Variants in DNAH14 observed in about 807,000 individuals in gnomAD.
DNAH14 encodes axonemal beta dynein heavy chain 14.
In DNAH14, 478 loss-of-function variants were observed where a neutral mutation model predicts 520.9. That is an observed-to-expected ratio of 0.92 (90% CI 0.85 to 0.99). DNAH14 has a LOEUF of 0.99. Ranked by LOEUF, DNAH14 falls within the 50% of genes least tolerant of loss-of-function variation. The pLI is 0.00. For missense variants in DNAH14, 4,831 were observed against 5,234.5 expected, an observed-to-expected ratio of 0.92 and a Z score of 2.38; for synonymous variants, 1,581 against 1,757.2, an observed-to-expected ratio of 0.90 and a Z score of 2.51.
At chr1:225,153,014 T>C in intron 33 of DNAH14, 131 bp downstream of exon 33, 1 of 949,982 alleles carries the variant, frequency 1.1e-6, no homozygotes. Flanking sequence ...CCTATCAAAA[T>C]AATGGAGCTA....
chr1:225,349,000 G>A (rs780404162), intron 71 of DNAH14, among the ~76,000 whole-genome samples: 2 of 151,992 alleles, frequency 1.3e-5, no homozygotes, highest in East Asian at 3.9e-4. Flanking sequence ...TTGAGACATA[G>A]TCTCACTGTC....
At chr1:225,036,735 G>A (rs2067000170) in intron 11 of DNAH14, among the ~76,000 whole-genome samples, 1 of 152,118 alleles carries the variant, frequency 6.6e-6, no homozygotes, top group Non-Finnish European at 1.5e-5. Context: ...GAGCTGTCTT[G>A]TCTGTGTTTT....
chr1:225,085,559 A>G lies in DNAH14; in HGVS notation c.3343A>G (p.Asn1115Asp), dbSNP rs2148616374. ...TTCATTTTAGATGTTTCAGTATGAA[A>G]ATGAAATAAATGATATGTCAACCTC... ...LLALKMFQYE[N>D]EINDMSTSAT... The change falls in exon 21 of 86, where the codon AAT becomes GAT. Residue 1115 changes from asparagine to aspartate, a missense_variant. Coordinates refer to ENST00000682510, the MANE Select transcript of DNAH14 (RefSeq NM_001367479.1). 6.5e-7 allele frequency: 1 copy of G among 1,544,784 alleles called. No individual in the cohort carries two copies. Among genetic ancestry groups the G allele is most frequent in the African/African-American group, 1.4e-5 (1 of 73,028 alleles).
At chr1:225,102,145 G>GT (rs1326438888) in intron 23 of DNAH14, among the ~76,000 whole-genome samples, 5 of 149,932 alleles carry the variant, frequency 3.3e-5, no homozygotes, top group East Asian at 2.0e-4. Flanking sequence ...GCGGTGTTTG[G>GT]TTTTTTCTCC....
intron 8 of DNAH14, among the ~76,000 whole-genome samples, chr1:225,001,747 A>G (rs540112806): frequency 5.1e-4 from 77 of 152,286 alleles, no homozygotes; most frequent in Non-Finnish European, 8.1e-4. Context: ...CATCTTGTTA[A>G]TAAGTACTGA....
At chr1:225,227,868 A>G (rs1456722653) in intron 41 of DNAH14, among the ~76,000 whole-genome samples, 2 of 152,124 alleles carry the variant, frequency 1.3e-5, no homozygotes, top group African/African-American at 4.8e-5. Context: ...CTACCCATCC[A>G]TATGTTTTCC....
chr1:225,224,030 G>A (rs1418105948), intron 41 of DNAH14, among the ~76,000 whole-genome samples: 1 of 152,012 alleles, frequency 6.6e-6, no homozygotes, highest in African/African-American at 2.4e-5. Context: ...AAATATCTTG[G>A]ATACATACTA....
At chr1:225,253,904 T>C (rs2092646377) in intron 44 of DNAH14, among the ~76,000 whole-genome samples, 1 of 152,194 alleles carries the variant, frequency 6.6e-6, no homozygotes, top group Non-Finnish European at 1.5e-5. Context: ...TCTCTATCAT[T>C]GGAAGATTCA....
At chr1:224,932,804 C>G (rs2058778869) in intron 1 of DNAH14, among the ~76,000 whole-genome samples, 1 of 152,064 alleles carries the variant, frequency 6.6e-6, no homozygotes, top group Non-Finnish European at 1.5e-5. Context: ...TGTTTTTATA[C>G]CATTGCCATG....
Position 225,082,696 on chromosome 1 carries a change from C to T in DNAH14, c.3284C>T (p.Pro1095Leu), listed in dbSNP as rs777466820. The part of the protein sequence containing the change: ...ALQEIIGKSV[P>L]LDKNCKVENL... ...CAGGAGATTATTGGGAAGTCAGTTC[C>T]GCTTGATAAAAACTGTAAAGTAGAG... The change falls in exon 20 of 86, where the codon CCG becomes CTG. Residue 1095 changes from proline to leucine, a missense_variant. Pro to Leu is a moderately conservative substitution (Grantham distance 98, BLOSUM62 -3). Transcript: ENST00000682510. The T allele has an allele frequency of 9.2e-5, 142 of 1,551,018 alleles. No homozygotes were observed. Among genetic ancestry groups the T allele is most frequent in the Non-Finnish European group, 1.1e-4 (123 of 1,146,780 alleles).
chr1:225,336,081 A>G (rs982991049), intron 66 of DNAH14, among the ~76,000 whole-genome samples: 3 of 144,916 alleles, frequency 2.1e-5, no homozygotes, highest in African/African-American at 7.9e-5. Flanking sequence ...ATACTTATAT[A>G]TACATATATG....
chr1:225,049,430 G>A (rs987839988), intron 15 of DNAH14, among the ~76,000 whole-genome samples: 4 of 151,940 alleles, frequency 2.6e-5, no homozygotes, highest in African/African-American at 9.7e-5. Context: ...TGCATACTCT[G>A]AATACAATTC....
chr1:225,026,070 T>C (rs1201938726), intron 11 of DNAH14, among the ~76,000 whole-genome samples: 2 of 152,028 alleles, frequency 1.3e-5, no homozygotes, highest in Non-Finnish European at 2.9e-5. Context: ...GCTCAAGCGA[T>C]ACTCTCACCT....
At chr1:225,357,224 T>A (rs955008126) in intron 73 of DNAH14, among the ~76,000 whole-genome samples, 1 of 152,052 alleles carries the variant, frequency 6.6e-6, no homozygotes, top group Admixed American at 6.6e-5. Flanking sequence ...CAGAAAATTA[T>A]CAGAATGATT....
Position 225,038,808 on chromosome 1 carries a change from C to T in DNAH14, c.1473C>T (p.Asp491=). 3 of 1,497,592 alleles carry T rather than the reference C, an allele frequency of 2.0e-6. No homozygotes were observed. The highest frequency in any genetic ancestry group is 2.7e-6 in the Non-Finnish European group (3 of 1,125,796). 92.8% of individuals were successfully genotyped at this position (1,497,592 alleles called of 1,614,324 possible). The change falls in exon 12 of 86, where the codon GAC becomes GAT. Residue 491 remains aspartate (D), a synonymous_variant. Transcript: ENST00000682510. The stretch of plus-strand genomic sequence containing the variant: ...TTCAAAAGTCAGAAGTAAAAACAGA[C>T]ACTGATATTAATGAGGTAAAATGAT... ...ISVQKSEVKT[D]TDINEILNSV...
At chr1:225,282,488 C>T (rs911286162) in intron 54 of DNAH14, among the ~76,000 whole-genome samples, 2 of 152,090 alleles carry the variant, frequency 1.3e-5, no homozygotes, top group Non-Finnish European at 2.9e-5. Flanking sequence ...AAGAAGGCCC[C>T]GAGGCAAGTA....
chr1:225,173,862 A>G (rs1369146538), intron 36 of DNAH14, among the ~76,000 whole-genome samples: 5 of 152,250 alleles, frequency 3.3e-5, no homozygotes, highest in Non-Finnish European at 7.3e-5. Context: ...AACCAATCCA[A>G]ATGTCCAACA....
chr1:225,184,118 A>AT (rs1394009829), intron 36 of DNAH14, among the ~76,000 whole-genome samples: 4 of 152,184 alleles, frequency 2.6e-5, no homozygotes, highest in African/African-American at 7.2e-5. Context: ...AAAACATGCA[A>AT]TATCACAATG....
chr1:225,389,759 A>G lies in DNAH14; in HGVS notation c.13216A>G (p.Lys4406Glu). ...GTATATGAGATTTGTCACAGTTTGG[A>G]AGCAGTCTATTCCATCAACTAGCCA... The part of the protein sequence containing the change: ...RRYMRFVTVW[K>E]QSIPSTSQKC... Residue 4406 changes from lysine to glutamate, a missense_variant, in exon 83 of 86, where the codon AAG becomes GAG. Lys to Glu is a moderately conservative substitution (Grantham distance 56). Transcript: ENST00000682510. 1 of 1,552,252 alleles carries G rather than the reference A, an allele frequency of 6.4e-7. No homozygotes were observed. The highest frequency in any genetic ancestry group is 1.2e-5 in the South Asian group (1 of 84,062).
Sources: gnomAD v4.1 joint callset for allele counts (sites outside exome capture counted in the v4.1 genomes callset) on GRCh38, gnomAD v4.1.1 for gene constraint, MANE v1.5 for transcripts, NCBI Gene and HGNC (gene_info 2026-07-23, HGNC 2026-07-21) for gene names.